MACF1: variants seen among roughly 807,000 people sequenced by gnomAD.
The protein encoded by MACF1 is microtubule actin crosslinking factor 1, also known as microtubule-actin cross-linking factor 1.
In MACF1, 193 loss-of-function variants were observed where a neutral mutation model predicts 854.8. The observed-to-expected ratio is 0.23, with a 90% confidence interval of 0.20 to 0.25. MACF1 has a LOEUF of 0.25. Ranked by LOEUF, MACF1 falls within the 10% of genes least tolerant of loss-of-function variation. The pLI is 1.00. For synonymous variants in MACF1, 3,185 were observed against 3,226.7 expected, an observed-to-expected ratio of 0.99 and a Z score of 0.44; for missense variants, 7,722 against 8,929.1, an observed-to-expected ratio of 0.86 and a Z score of 5.45.
At position 39,317,321 on chromosome 1, in the gene MACF1, G is replaced by A. The variant is rs74066738; in HGVS notation, c.3696G>A (p.Glu1232=). The change falls in exon 29 of 101, where the codon GAG becomes GAA. Residue 1232 remains glutamate (E), a synonymous_variant. Transcript: ENST00000564288. ...AGCAGATGAGTCGTCTGACACCAGA[G>A]CGAAATCTGGATTTGGAGCGCTATC... ...VAEQMSRLTP[E]RNLDLERYQE... The A allele has an allele frequency of 5.9e-3, 9,514 of 1,614,030 alleles. 435 individuals are homozygous for A. The African/African-American group carries it at 0.1, about 18-fold the overall frequency.
At chr1:39,272,815 A>G (rs1645350345) in intron 6 of MACF1, among the ~76,000 whole-genome samples, 1 of 152,224 alleles carries the variant, frequency 6.6e-6, no homozygotes, top group African/African-American at 2.4e-5. Context: ...TAGTTAACAC[A>G]GAAGCAAGAT....
At chr1:39,194,521 T>C in intron 2 of MACF1, among the ~76,000 whole-genome samples, 1 of 151,068 alleles carries the variant, frequency 6.6e-6, no homozygotes, top group Admixed American at 6.6e-5. Context: ...GCCCGGCTAA[T>C]TTTTGTAATT....
chr1:39,301,190 G>GATCTCAGC, intron 22 of MACF1, among the ~76,000 whole-genome samples: 1 of 150,816 alleles, frequency 6.6e-6, no homozygotes, highest in East Asian at 2.0e-4. Context: ...GCAGTGGCAC[G>GATCTCAGC]ATCTCAGCTC....
At chr1:39,429,791 T>C (rs1643839895) in intron 64 of MACF1, 36 bp from the exon 65 acceptor site, 1 of 1,606,574 alleles carries the variant, frequency 6.2e-7, no homozygotes, top group African/African-American at 1.3e-5. Context: ...TTCCTAGGTC[T>C]CTTAAATATG....
In MACF1 at chr1:39,441,103, A is replaced by G; in HGVS notation, c.18548A>G (p.Glu6183Gly). The change falls in exon 73 of 101, where the codon GAA becomes GGA. Residue 6183 changes from glutamate (E) to glycine (G), a missense_variant. Physicochemically the swap from Glu to Gly is moderately conservative, Grantham distance 98 (BLOSUM62 -2). Transcript: ENST00000564288. ...GCCTGTGGAGAAACTGAGAAGCCTG[A>G]AGTGAGGAAGAGCATTGATGAGGTG... ...IFACGETEKP[E>G]VRKSIDEMNN... 6.2e-7 allele frequency: 1 copy of G among 1,614,210 alleles called. No homozygotes were observed.
intron 2 of MACF1, among the ~76,000 whole-genome samples, chr1:39,102,193 A>AAGAGGG (rs1553130575): frequency 1.4e-5 from 2 of 148,078 alleles, no homozygotes; most frequent in African/African-American, 5.0e-5. Context: ...AAGAAAAAGA[A>AAGAGGG]AGAGAGAGAG....
chr1:39,245,703 T>TA (rs1644974812), intron 2 of MACF1, among the ~76,000 whole-genome samples: 1 of 152,190 alleles, frequency 6.6e-6, no homozygotes, highest in Admixed American at 6.5e-5. Flanking sequence ...GCCTGGGCAA[T>TA]ATGGCAAGAC....
intron 6 of MACF1, among the ~76,000 whole-genome samples, chr1:39,277,793 T>C (rs1306403824): frequency 6.6e-6 from 1 of 152,236 alleles, no homozygotes; most frequent in African/African-American, 2.4e-5. Context: ...TTGCTTGAAC[T>C]TGAGGCCTGA....
intron 96 of MACF1, 86 bp downstream of exon 96, chr1:39,468,818 GGTCT>G: frequency 4.1e-6 from 5 of 1,221,320 alleles, no homozygotes; most frequent in Middle Eastern, 3.8e-4. Context: ...TTGATGGTGG[GGTCT>G]GTCTGTTTTT....
intron 1 of MACF1, among the ~76,000 whole-genome samples, chr1:39,230,092 A>G (rs985566518): frequency 1.4e-4 from 21 of 152,156 alleles, no homozygotes; most frequent in Admixed American, 8.5e-4. Context: ...TGAATAGGGT[A>G]AAATAAGAAT....
intron 2 of MACF1, among the ~76,000 whole-genome samples, chr1:39,232,524 G>A (rs2148305532): frequency 6.6e-6 from 1 of 152,082 alleles, no homozygotes; most frequent in East Asian, 1.9e-4. Flanking sequence ...CCATGATGGT[G>A]TTCCCCAGGA....
At chr1:39,312,511 A>G (rs950779389) in intron 26 of MACF1, among the ~76,000 whole-genome samples, 3 of 152,234 alleles carry the variant, frequency 2.0e-5, no homozygotes, top group South Asian at 2.1e-4. Flanking sequence ...CCACAGAACA[A>G]TGATAAACAT....
chr1:39,453,847 G>C lies in MACF1; in HGVS notation c.20883G>C (p.Glu6961Asp). ...HWITIIRARF[E>D]EVLTWAKQHQ... ...TCACCATCATCCGAGCTCGCTTCGA[G>C]GAGGTGAGTCCCTGGTTCAGAGGAG... The change falls in exon 88 of 101, where the codon GAG becomes GAC. Residue 6961 changes from glutamate to aspartate, a missense_variant. Glu to Asp is a conservative substitution (Grantham distance 45). Transcript: ENST00000564288. 3 of 1,614,186 alleles carry C rather than the reference G, an allele frequency of 1.9e-6. No homozygotes were observed.
chr1:39,334,922 G>A lies in MACF1; in HGVS notation c.8334G>A (p.Gly2778=). The change falls in exon 37 of 101, where the codon GGG becomes GGA. Residue 2778 remains glycine (G), a synonymous_variant. Transcript: ENST00000564288. ...GGGCTCAGATTGAAAAGCAAGAAGGGATTGAAGTGTGTGCATTACAAAATG... is the reference window on the plus strand; with the variant it reads ...GGGCTCAGATTGAAAAGCAAGAAGGAATTGAAGTGTGTGCATTACAAAATG... ...DHRAQIEKQE[G]IEVCALQNEF... 1 of 1,614,174 alleles carries A rather than the reference G, an allele frequency of 6.2e-7. No homozygotes were observed. The highest frequency in any genetic ancestry group is 1.6e-4 in the Middle Eastern group (1 of 6,062).
In MACF1 at chr1:39,335,040, G is replaced by GA; in HGVS notation, c.8456dup (p.Asn2819LysfsTer9). ...AGAGAGTGAGAGATTATTTCAAGTT[G>GA]AAAATCAGTCTGCACAAGAAAAGGT... On this transcript the variant is annotated frameshift_variant, in exon 37 of 101. Coordinates refer to ENST00000564288, the MANE Select transcript of MACF1 (RefSeq NM_001394062.1). LOFTEE classifies it high-confidence loss of function. The GA allele has an allele frequency of 6.2e-7, 1 of 1,614,012 alleles. No homozygotes were observed. Among genetic ancestry groups the GA allele is most frequent in the South Asian group, 1.1e-5 (1 of 91,072 alleles).
chr1:39,408,519 C>T (rs1393728080), intron 58 of MACF1, among the ~76,000 whole-genome samples: 1 of 152,176 alleles, frequency 6.6e-6, no homozygotes, highest in African/African-American at 2.4e-5. Context: ...GCGCGACCTG[C>T]CGGCACACGG....
intron 49 of MACF1, among the ~76,000 whole-genome samples, chr1:39,363,416 C>T (rs1252603988): frequency 6.6e-6 from 1 of 152,066 alleles, no homozygotes; most frequent in South Asian, 2.1e-4. Context: ...TGAACATACA[C>T]ACACATTCTT....
At chr1:39,433,251 C>A in intron 68 of MACF1, 96 bp downstream of exon 68, 2 of 669,176 alleles carry the variant, frequency 3.0e-6, no homozygotes, top group Non-Finnish European at 5.0e-6. Context: ...CTTTTTCCCT[C>A]CTGGACTTTT....
chr1:39,232,773 G>C (rs529812106), intron 2 of MACF1, among the ~76,000 whole-genome samples: 6 of 118,188 alleles, frequency 5.1e-5, no homozygotes, highest in Non-Finnish European at 9.3e-5. Flanking sequence ...TTTTTTGTTT[G>C]TTTGTTTCTT....
Sources: gnomAD v4.1 joint callset for allele counts (sites outside exome capture counted in the v4.1 genomes callset) on GRCh38, gnomAD v4.1.1 for gene constraint, MANE v1.5 for transcripts, NCBI Gene and HGNC (gene_info 2026-07-23, HGNC 2026-07-21) for gene names.